The following LRFN2 variants were observed in gnomAD, a reference collection of about 807,000 sequenced individuals.
LRFN2 encodes the protein leucine-rich repeat and fibronectin type-III domain-containing protein 2.
In LRFN2, 18 loss-of-function variants were observed where a neutral mutation model predicts 37.3. The observed-to-expected ratio is 0.48, with a 90% CI of 0.33 to 0.72. The LOEUF (loss-of-function observed/expected upper bound fraction) is 0.72. LRFN2 is among the 30% of genes least tolerant of loss of function. The probability of loss-of-function intolerance (pLI) is 0.02; values close to 1 mark genes in which losing one functional copy is unlikely to be tolerated. For synonymous variants in LRFN2, 556 were observed against 466.6 expected (o/e 1.19, Z -2.47); for missense variants, 1,006 against 1,060.7 (o/e 0.95, Z 0.72).
At chr6:40,434,063 T>C (rs967893885) in intron 1 of LRFN2, among the ~76,000 whole-genome samples, 3 of 152,210 alleles carry the variant, frequency 2.0e-5, no homozygotes, top group African/African-American at 7.2e-5. Context: ...AGCCCTCTTC[T>C]CTGCTCTGTA....
intron 1 of LRFN2, among the ~76,000 whole-genome samples, chr6:40,467,361 G>A (rs972176707): frequency 2.0e-5 from 3 of 152,104 alleles, no homozygotes; most frequent in Non-Finnish European, 4.4e-5. Context: ...TGTCCTTGGA[G>A]GCTGGACTCA....
At chr6:40,464,363 G>T (rs1764411899) in intron 1 of LRFN2, among the ~76,000 whole-genome samples, 1 of 152,194 alleles carries the variant, frequency 6.6e-6, no homozygotes, top group Non-Finnish European at 1.5e-5. Flanking sequence ...AATGTTGAGA[G>T]TTGGGACCTT....
At chr6:40,496,916 G>C (rs1208311414) in intron 1 of LRFN2, among the ~76,000 whole-genome samples, 2 of 152,008 alleles carry the variant, frequency 1.3e-5, no homozygotes, top group African/African-American at 4.8e-5. Context: ...TTGCTGATGG[G>C]CCTTGAAAAT....
At chr6:40,537,496 C>T (rs1423191988) in intron 1 of LRFN2, among the ~76,000 whole-genome samples, 1 of 152,132 alleles carries the variant, frequency 6.6e-6, no homozygotes, top group African/African-American at 2.4e-5. Flanking sequence ...GGGAACTGAG[C>T]GGGCTGCTGT....
intron 1 of LRFN2, among the ~76,000 whole-genome samples, chr6:40,468,798 T>C (rs944944172): frequency 3.3e-5 from 5 of 152,140 alleles, no homozygotes; most frequent in African/African-American, 9.7e-5. Context: ...TCCTCATGCA[T>C]GTCTCTTCTC....
rs777052318 is a variant in LRFN2 at position 40,431,854 on chromosome 6, G to A, written c.1260C>T (p.Ser420=). ...ACACAAGCACAGCCCGTTCCGGGGG[G>A]CTTTTGGGAGGCTCTCCGCCCCCAC... ...GGSGGGEPPK[S]PPERAVLVSE... The change falls in exon 2 of 3, where the codon AGC becomes AGT. Residue 420 remains serine (S), a synonymous_variant. Coordinates refer to ENST00000338305, the MANE Select transcript of LRFN2 (RefSeq NM_020737.3). 8 of 1,589,540 alleles carry A rather than the reference G, an allele frequency of 5.0e-6. No homozygotes were observed. The highest frequency in any genetic ancestry group is 4.0e-5 in the African/African-American group (3 of 74,652).
At chr6:40,584,408 T>G (rs1336357428) in intron 1 of LRFN2, among the ~76,000 whole-genome samples, 3 of 152,238 alleles carry the variant, frequency 2.0e-5, no homozygotes, top group Non-Finnish European at 4.4e-5. Context: ...AGTTGAGGTT[T>G]CATTCCATTA....
At chr6:40,405,160 C>T (rs1405908253) in intron 2 of LRFN2, among the ~76,000 whole-genome samples, 1 of 152,224 alleles carries the variant, frequency 6.6e-6, no homozygotes, top group African/African-American at 2.4e-5. Flanking sequence ...ACCCATTACA[C>T]ATCTGACACA....
intron 2 of LRFN2, among the ~76,000 whole-genome samples, chr6:40,407,166 G>C (rs1050478913): frequency 6.6e-6 from 1 of 152,214 alleles, no homozygotes; most frequent in East Asian, 1.9e-4. Flanking sequence ...CCCATGTAAG[G>C]CCTGCCTCTC....
rs149607651 is a variant in LRFN2, at chr6:40,432,636, T to C, written c.478A>G (p.Asn160Asp). The C allele has an allele frequency of 1.3e-5, 21 of 1,613,992 alleles. No individual in the cohort carries two copies. Among genetic ancestry groups the C allele is most frequent in the Non-Finnish European group, 1.8e-5 (21 of 1,180,024 alleles). Residue 160 changes from asparagine to aspartate, a missense_variant, in exon 2 of 3, where the codon AAC becomes GAC. Asn to Asp is a conservative substitution (Grantham distance 23, BLOSUM62 1). Around this residue, in one of 4 missense-constraint regions of LRFN2, gnomAD observed 185 missense variants for 254.9 expected, o/e 0.73. Coordinates refer to ENST00000338305, the MANE Select transcript of LRFN2 (RefSeq NM_020737.3). ...TLEDLDLSYN[N>D]LHGLPWDSVR... ...GAGTCCCACGGCAGGCCATGGAGGT[T>C]GTTGTAGGAGAGGTCCAGATCCTCC...
At chr6:40,505,681 G>A (rs1314376603) in intron 1 of LRFN2, among the ~76,000 whole-genome samples, 2 of 152,200 alleles carry the variant, frequency 1.3e-5, no homozygotes, top group East Asian at 3.9e-4. Flanking sequence ...CATAATCACT[G>A]GGTAGCCTAG....
intron 1 of LRFN2, among the ~76,000 whole-genome samples, chr6:40,466,098 C>T (rs759515694): frequency 7.9e-5 from 12 of 152,126 alleles, no homozygotes; most frequent in African/African-American, 1.7e-4. Context: ...CATTAGCCAC[C>T]GAGCACTTCT....
chr6:40,422,880 G>C (rs1763261747), intron 2 of LRFN2, among the ~76,000 whole-genome samples: 1 of 152,210 alleles, frequency 6.6e-6, no homozygotes, highest in East Asian at 1.9e-4. Flanking sequence ...TTTCAGAAAA[G>C]AGGGAGACTG....
At chr6:40,398,618 T>C (rs1581675590) in intron 2 of LRFN2, among the ~76,000 whole-genome samples, 1 of 151,920 alleles carries the variant, frequency 6.6e-6, no homozygotes, top group South Asian at 2.1e-4. Context: ...TTTCTTTCCA[T>C]CATGTAAACT....
At chr6:40,460,604 G>T (rs1023562035) in intron 1 of LRFN2, among the ~76,000 whole-genome samples, 2 of 152,186 alleles carry the variant, frequency 1.3e-5, no homozygotes, top group African/African-American at 4.8e-5. Flanking sequence ...ACCTCTAATT[G>T]TCTGGCTTAT....
chr6:40,497,936 T>C (rs998717725), intron 1 of LRFN2, among the ~76,000 whole-genome samples: 6 of 152,144 alleles, frequency 3.9e-5, no homozygotes, highest in African/African-American at 7.2e-5. Context: ...TCATCTTTAC[T>C]CTTGGGGAAC....
Position 40,432,754 on chromosome 6 carries a change from G to C in LRFN2, c.360C>G (p.Leu120=). 1.2e-6 allele frequency: 2 copies of C among 1,614,202 alleles called. No individual in the cohort carries two copies. The highest frequency in any genetic ancestry group is 1.7e-4 in the Middle Eastern group (1 of 6,060). ...NRLPSLGEDT[L]RGLVNLQHLI... ...GGTGCTGCAGGTTGACCAGGCCCCGGAGGGTGTCCTCCCCAAGGCTTGGCA... is the reference window on the plus strand; with the variant it reads ...GGTGCTGCAGGTTGACCAGGCCCCGCAGGGTGTCCTCCCCAAGGCTTGGCA... Residue 120 remains leucine (L), a synonymous_variant, in exon 2 of 3, where the codon CTC becomes CTG. Coordinates refer to ENST00000338305, the MANE Select transcript of LRFN2 (RefSeq NM_020737.3).
At chr6:40,505,541 A>G (rs1765509119) in intron 1 of LRFN2, among the ~76,000 whole-genome samples, 1 of 152,214 alleles carries the variant, frequency 6.6e-6, no homozygotes, top group African/African-American at 2.4e-5. Context: ...TTTGAAAATT[A>G]AAACATGAAA....
In LRFN2 at chr6:40,391,970, G is replaced by C; in HGVS notation, c.2343C>G (p.Ser781=). The C allele has an allele frequency of 6.3e-7, 1 of 1,590,478 alleles. No homozygotes were observed. The highest frequency in any genetic ancestry group is 1.2e-5 in the South Asian group (1 of 86,902). ...LVGARGTFGS[S]EWVMESTV ...AGACCGTGCTCTCCATCACCCATTC[G>C]GAGCTGCCAAAAGTCCCCCGGGCCC... The change falls in exon 3 of 3, where the codon TCC becomes TCG. Residue 781 remains serine (S), a synonymous_variant. Transcript: ENST00000338305.
Sources: allele counts gnomAD v4.1 joint callset (sites outside exome capture counted in the v4.1 genomes callset), GRCh38; gene constraint gnomAD v4.1.1; regional missense constraint gnomAD v4.1.1; transcripts MANE v1.5; gene names NCBI Gene and HGNC (gene_info 2026-07-23, HGNC 2026-07-21).